EPB41L3: variants seen among roughly 807,000 people sequenced by gnomAD.
The protein encoded by EPB41L3 is erythrocyte membrane protein band 4.1 like 3.
In EPB41L3, 57 loss-of-function variants were observed where a neutral mutation model predicts 127.1. The observed-to-expected ratio is 0.45, with a 90% CI of 0.36 to 0.56. The LOEUF (loss-of-function observed/expected upper bound fraction) is 0.56. EPB41L3 is among the 20% of genes least tolerant of loss of function. EPB41L3 has a pLI of 0.00. For missense variants in EPB41L3, 1,273 were observed against 1,372.2 expected (o/e 0.93, Z 1.14); for synonymous variants, 572 against 549.5 (o/e 1.04, Z -0.57).
At chr18:5,509,011 G>A (rs1450937995) in intron 1 of EPB41L3, among the ~76,000 whole-genome samples, 1 of 152,172 alleles carries the variant, frequency 6.6e-6, no homozygotes, top group Non-Finnish European at 1.5e-5. Flanking sequence ...CGCAGCAGAG[G>A]CCAGCTTCAG....
intron 13 of EPB41L3, 95 bp downstream of exon 13, chr18:5,415,723 G>T: frequency 1.5e-6 from 2 of 1,297,574 alleles, no homozygotes; most frequent in Non-Finnish European, 1.1e-6. Flanking sequence ...ATGAGGCTCT[G>T]AAAGTAGGAC....
chr18:5,585,343 G>T (rs1038211787), intron 3 of EPB41L3, among the ~76,000 whole-genome samples: 1 of 151,880 alleles, frequency 6.6e-6, no homozygotes, highest in African/African-American at 2.4e-5. Flanking sequence ...TTTTTGAGTC[G>T]CCCAGGCTGG....
chr18:5,513,281 C>CCTAA (rs1441841856), intron 1 of EPB41L3, among the ~76,000 whole-genome samples: 15 of 152,190 alleles, frequency 9.9e-5, no homozygotes, highest in Non-Finnish European at 1.8e-4. Context: ...AGCAGCGTAA[C>CCTAA]CTAACCTACG....
intron 3 of EPB41L3, among the ~76,000 whole-genome samples, chr18:5,567,620 G>A (rs376457366): frequency 4.6e-5 from 7 of 151,958 alleles, no homozygotes; most frequent in African/African-American, 1.7e-4. Context: ...AGGCAAGGAA[G>A]GAAGGAAGGA....
intron 3 of EPB41L3, among the ~76,000 whole-genome samples, chr18:5,475,952 T>TC (rs1321116469): frequency 6.6e-6 from 1 of 152,060 alleles, no homozygotes; most frequent in Non-Finnish European, 1.5e-5. Flanking sequence ...GGCCTATGCT[T>TC]CCCCTTCTCT....
At chr18:5,490,463 A>T (rs1261634237) in intron 1 of EPB41L3, among the ~76,000 whole-genome samples, 2 of 152,270 alleles carry the variant, frequency 1.3e-5, no homozygotes, top group African/African-American at 4.8e-5. Flanking sequence ...ACAAATACCA[A>T]TCTAGGTTAT....
rs371480283 is a variant in EPB41L3 at position 5,482,496 on chromosome 18, A to G, written c.184-4058T>C. Among the ~76,000 whole-genome samples, 5 of 152,336 alleles carry G rather than the reference A, an allele frequency of 3.3e-5. No individual in the cohort carries two copies. The East Asian group carries it at 7.7e-4, about 23-fold the overall frequency. ...AAACTCGTGAAAGATATAAATATTC[A>G]AGTACAGGGAAGTCTGAGAACATCA... On this transcript the variant is annotated intron_variant, in intron 2 of 22. Coordinates refer to ENST00000341928, the MANE Select transcript of EPB41L3 (RefSeq NM_012307.5).
chr18:5,583,017 G>C (rs964768009), intron 3 of EPB41L3, among the ~76,000 whole-genome samples: 1 of 152,152 alleles, frequency 6.6e-6, no homozygotes, highest in Non-Finnish European at 1.5e-5. Flanking sequence ...TCATCACTGT[G>C]GGGGAAAAGT....
intron 3 of EPB41L3, among the ~76,000 whole-genome samples, chr18:5,572,965 G>C (rs534659491): frequency 1.8e-4 from 27 of 152,260 alleles, no homozygotes; most frequent in Non-Finnish European, 3.5e-4. Context: ...TTAGAGAGAT[G>C]TTGAGAGCTG....
At chr18:5,406,305 T>TA (rs2075374383) in intron 16 of EPB41L3, among the ~76,000 whole-genome samples, 1 of 152,078 alleles carries the variant, frequency 6.6e-6, no homozygotes, top group Admixed American at 6.6e-5. Context: ...CAGTTATAAA[T>TA]AAAAATCAAA....
intron 3 of EPB41L3, among the ~76,000 whole-genome samples, chr18:5,457,263 GC>G (rs1220899220): frequency 6.6e-6 from 1 of 152,138 alleles, no homozygotes; most frequent in Non-Finnish European, 1.5e-5. Context: ...TGTTTAGACT[GC>G]ACTGTTTTTT....
At chr18:5,396,890 G>A (rs1469469432) in intron 18 of EPB41L3, among the ~76,000 whole-genome samples, 168 bp downstream of exon 18, 2 of 152,112 alleles carry the variant, frequency 1.3e-5, no homozygotes, top group Non-Finnish European at 2.9e-5. Flanking sequence ...CTGGAAATCA[G>A]TGTGGAGACT....
At chr18:5,443,761 G>C in intron 5 of EPB41L3, 77 bp downstream of exon 5, 1 of 1,180,298 alleles carries the variant, frequency 8.5e-7, no homozygotes, top group African/African-American at 1.5e-5. Context: ...AGCCACTTAG[G>C]TATGGGCTAC....
chr18:5,502,030 CCCTCCTGCCTCCTG>C lies in EPB41L3; in HGVS notation c.-11-12850_-11-12837del, dbSNP rs149341118. Among the ~76,000 whole-genome samples the C allele has an allele frequency of 9.0e-4, 137 of 151,786 alleles. No homozygotes were observed. The Middle Eastern group carries it at 0.02, about 23-fold the overall frequency. Reference sequence around the variant, plus strand: ...AGACAGCTGGCTCAGTCGCCATCTTCCCTCCTGCCTCCTGCCTCCTGCCTCCTGCCTCCTGCCTC... The same window carrying C: ...AGACAGCTGGCTCAGTCGCCATCTTCCCTCCTGCCTCCTGCCTCCTGCCTC... On this transcript the variant is annotated intron_variant, in intron 1 of 22. Coordinates refer to ENST00000341928, the MANE Select transcript of EPB41L3 (RefSeq NM_012307.5).
chr18:5,398,286 G>T, intron 16 of EPB41L3, 143 bp from the exon 17 acceptor site: 2 of 923,192 alleles, frequency 2.2e-6, no homozygotes, highest in Non-Finnish European at 1.6e-6. Flanking sequence ...GTTTGGAAAC[G>T]AAAAGAATGG....
intron 2 of EPB41L3, among the ~76,000 whole-genome samples, chr18:5,484,423 G>A (rs753871182): frequency 6.6e-6 from 1 of 151,566 alleles, no homozygotes; most frequent in Non-Finnish European, 1.5e-5. Flanking sequence ...ACTCAACGAT[G>A]CACCTCAAGG....
At chr18:5,618,635 T>C (rs186074067) in intron 1 of EPB41L3, among the ~76,000 whole-genome samples, 26 of 152,296 alleles carry the variant, frequency 1.7e-4, no homozygotes, top group African/African-American at 4.3e-4. Flanking sequence ...TAGTAGGTCA[T>C]TGGTGAAAAA....
rs28378708 is a variant in EPB41L3, at chr18:5,541,031, G to A, written c.-12+2882C>T. On this transcript the variant is annotated intron_variant, in intron 1 of 22. Transcript: ENST00000341928. ...ACCCGGGAGGCGGAGCTTGCAGTGA[G>A]CCGAGATCGCACCACTGCACTCCAG... 3.1e-3 allele frequency among the ~76,000 whole-genome samples: 449 copies of A among 145,884 alleles called. 2 individuals are homozygous for A. Among genetic ancestry groups the A allele is most frequent in the Middle Eastern group, 0.025 (7 of 280 alleles).
At chr18:5,451,428 T>G (rs189140609) in intron 3 of EPB41L3, among the ~76,000 whole-genome samples, 2 of 152,200 alleles carry the variant, frequency 1.3e-5, no homozygotes, top group African/African-American at 4.8e-5. Flanking sequence ...CAGTGCCAAC[T>G]CTCTGAAGCA....
Sources: gnomAD v4.1 joint callset for allele counts (sites outside exome capture counted in the v4.1 genomes callset) on GRCh38, gnomAD v4.1.1 for gene constraint, MANE v1.5 for transcripts, NCBI Gene and HGNC (gene_info 2026-07-23, HGNC 2026-07-21) for gene names.